The following MEST variants were observed in gnomAD, a reference collection of about 807,000 sequenced individuals.
MEST encodes mesoderm specific transcript.
In MEST, 18 loss-of-function variants were observed where a neutral mutation model predicts 50.9. That is an observed-to-expected ratio of 0.35 (90% CI 0.24 to 0.52). The LOEUF (loss-of-function observed/expected upper bound fraction) is 0.52. MEST is among the 20% of genes least tolerant of loss of function. The probability of loss-of-function intolerance (pLI) is 0.94; values close to 1 mark genes in which losing one functional copy is unlikely to be tolerated. For missense variants in MEST, 282 were observed against 425.3 expected (o/e 0.66, Z 2.96); for synonymous variants, 130 against 154.1 (o/e 0.84, Z 1.16).
rs1206716758 is a variant in MEST at position 130,505,297 on chromosome 7, G to GT, written c.*247dup. The GT allele has an allele frequency of 5.9e-6, 2 of 338,294 alleles. No individual in the cohort carries two copies. The highest frequency in any genetic ancestry group is 1.1e-5 in the Non-Finnish European group (2 of 183,464). 21.0% of individuals were successfully genotyped at this position (338,294 alleles called of 1,614,324 possible). A position where few individuals can be genotyped will look rare whatever the true frequency, so the allele number is the denominator to read the frequency against. Reference sequence around the variant, plus strand: ...TGATCAAATGTATAGACTTGGCTTTGTTTTTTGTGCTATTAGGAAATTCTG... The same window carrying GT: ...TGATCAAATGTATAGACTTGGCTTTGTTTTTTTGTGCTATTAGGAAATTCTG... On this transcript the variant is annotated 3_prime_UTR_variant, in exon 12 of 12. Coordinates refer to ENST00000223215, the MANE Select transcript of MEST (RefSeq NM_002402.4).
At chr7:130,489,283 A>G (rs1798714696), upstream of MEST, 1 of 152,270 alleles carries the variant, frequency 6.6e-6, no homozygotes. Flanking sequence ...GTGATAAGCC[A>G]CTGGCTGAGG....
At chr7:130,499,798 C>T (rs529086989) in intron 6 of MEST, 77 bp from the exon 7 acceptor site, 50 of 1,218,846 alleles carry the variant, frequency 4.1e-5, no homozygotes, top group Admixed American at 2.8e-4. Flanking sequence ...AGCTGGGCAA[C>T]CCAGTGAGAT....
At position 130,492,300 on chromosome 7, in the gene MEST, G is replaced by A; in HGVS notation, c.-14G>A. On this transcript the variant is annotated 5_prime_UTR_variant, in exon 1 of 12. An upstream start codon of the reference 5' UTR is lost. Coordinates refer to ENST00000223215, the MANE Select transcript of MEST (RefSeq NM_002402.4). This position sits in a 1 kb window ranked among gnomAD's most constrained non-coding sequence, Gnocchi z 7.6. ...TCTGCAACGCTGCGGCGGGCGGCAT[G>A]GGATAACGCGGCCATGGTGCGCCGA... The A allele has an allele frequency of 7.4e-7, 1 of 1,344,994 alleles. No individual in the cohort carries two copies. Among genetic ancestry groups the A allele is most frequent in the South Asian group, 2.1e-5 (1 of 47,612 alleles). 83.3% of individuals were successfully genotyped at this position (1,344,994 alleles called of 1,614,324 possible).
intron 1 of MEST, among the ~76,000 whole-genome samples, chr7:130,494,178 G>C (rs577553421): frequency 1.3e-5 from 2 of 152,336 alleles, no homozygotes; most frequent in South Asian, 2.1e-4. Flanking sequence ...AAAGTATCTT[G>C]TAAGTTGAGG....
chr7:130,494,899 A>G (rs537579303), intron 1 of MEST: 8 of 942,208 alleles, frequency 8.5e-6, no homozygotes, highest in East Asian at 2.3e-4. Context: ...TAGCACATAT[A>G]TATTTTTTGA....
intron 9 of MEST, 151 bp from the exon 10 acceptor site, chr7:130,502,493 T>C (rs111900673): frequency 3.3e-5 from 20 of 610,676 alleles, no homozygotes; most frequent in African/African-American, 2.6e-4. Flanking sequence ...TTAACAGAAA[T>C]GGATAAATTA....
At chr7:130,494,448 A>G (rs1248809022) in intron 1 of MEST, 7 of 152,330 alleles carry the variant, frequency 4.6e-5, no homozygotes, top group African/African-American at 1.2e-4. Context: ...CTCCTTGTCA[A>G]TGTGGATAAA....
Position 130,503,959 on chromosome 7 carries a change from C to G in MEST, c.853C>G (p.Pro285Ala). Residue 285 changes from proline to alanine, a missense_variant, in exon 11 of 12, where the codon CCT becomes GCT. Coordinates refer to ENST00000223215, the MANE Select transcript of MEST (RefSeq NM_002402.4). Reference sequence around the variant, plus strand: ...TCATTTTATCTATGGGCCATTGGATCCTGTAAATCCCTATCCAGAGTTTTT... The same window carrying G: ...TCATTTTATCTATGGGCCATTGGATGCTGTAAATCCCTATCCAGAGTTTTT... ...PIHFIYGPLDPVNPYPEFLEL... is the reference protein window; with the variant it reads ...PIHFIYGPLDAVNPYPEFLEL... 6.2e-7 allele frequency: 1 copy of G among 1,613,402 alleles called. No homozygotes were observed. The highest frequency in any genetic ancestry group is 8.5e-7 in the Non-Finnish European group (1 of 1,179,404).
chr7:130,498,022 C>T lies in MEST; in HGVS notation c.339+9C>T. 4.3e-6 allele frequency: 7 copies of T among 1,614,154 alleles called. No homozygotes were observed. Among genetic ancestry groups the T allele is most frequent in the Non-Finnish European group, 5.9e-6 (7 of 1,180,014 alleles). On this transcript the variant is annotated intron_variant, in intron 4 of 11. Transcript: ENST00000223215. Reference sequence around the variant, plus strand: ...GCTTCAGTGACAAACCGGTAAGCAGCACCTATGTGGGGCTGGTGATGGGGT... The same window carrying T: ...GCTTCAGTGACAAACCGGTAAGCAGTACCTATGTGGGGCTGGTGATGGGGT...
At chr7:130,487,508 G>A (rs1554434036), upstream of MEST, 1 of 152,164 alleles carries the variant, frequency 6.6e-6, no homozygotes, top group African/African-American at 2.4e-5. Context: ...TCTTATTTGG[G>A]TAAGAGATTA....
chr7:130,492,772 G>A lies in MEST; in HGVS notation c.26+433G>A, dbSNP rs996801788. Among the ~76,000 whole-genome samples the A allele has an allele frequency of 3.3e-5, 5 of 152,070 alleles. No homozygotes were observed. The highest frequency in any genetic ancestry group is 9.7e-5 in the African/African-American group (4 of 41,394). On this transcript the variant is annotated intron_variant, in intron 1 of 11. Coordinates refer to ENST00000223215, the MANE Select transcript of MEST (RefSeq NM_002402.4). This position sits in a 1 kb window ranked among gnomAD's most constrained non-coding sequence, Gnocchi z 7.6. ...ATTTCTAACCCCCAGCATCGCCCTG[G>A]TTTGATTTAGGATATTTAGACTCCG...
Position 130,500,341 on chromosome 7 carries a change from T to C in MEST, c.577-121T>C. 1.2e-6 allele frequency: 1 copy of C among 817,514 alleles called. No homozygotes were observed. The highest frequency in any genetic ancestry group is 1.8e-5 in the South Asian group (1 of 55,470). The allele number at this position is 817,514 out of a possible 1,614,324, so 50.6% of individuals were successfully genotyped here. On this transcript the variant is annotated intron_variant, in intron 7 of 11. Transcript: ENST00000223215. The surrounding 1 kb of genome is among the most constrained non-coding windows in gnomAD (Gnocchi z 5.0). Reference sequence around the variant, plus strand: ...CGGGTAGGCAAAACAAAATGCCAAGTACCAAACCATTCAGTAGCAGGAGAT... The same window carrying C: ...CGGGTAGGCAAAACAAAATGCCAAGCACCAAACCATTCAGTAGCAGGAGAT...
At position 130,504,961 on chromosome 7, in the gene MEST, G is replaced by A; in HGVS notation, c.913G>A (p.Val305Met). The A allele has an allele frequency of 6.2e-7, 1 of 1,613,832 alleles. No homozygotes were observed. Among genetic ancestry groups the A allele is most frequent in the Non-Finnish European group, 8.5e-7 (1 of 1,179,780 alleles). The part of the protein sequence containing the change: ...LYRKTLPRST[V>M]SILDDHISHY... Reference sequence around the variant, plus strand: ...TAGGAAAACGCTGCCGCGGTCCACAGTGTCGATTCTGGATGACCACATTAG... The same window carrying A: ...TAGGAAAACGCTGCCGCGGTCCACAATGTCGATTCTGGATGACCACATTAG... The change falls in exon 12 of 12, where the codon GTG (valine) becomes ATG (methionine). Residue 305 changes from valine (V) to methionine (M), a missense_variant. By Grantham distance (21) the Val-to-Met change is conservative (BLOSUM62 1). Coordinates refer to ENST00000223215, the MANE Select transcript of MEST (RefSeq NM_002402.4).
chr7:130,501,387 GAGGGAGCCAATCCTCCCA>G lies in MEST; in HGVS notation c.749+498_749+515del, dbSNP rs546895588. Among the ~76,000 whole-genome samples, 1,260 of 152,288 alleles carry G rather than the reference GAGGGAGCCAATCCTCCCA, an allele frequency of 8.3e-3. 8 individuals carry two copies. The highest frequency in any genetic ancestry group is 0.013 in the Non-Finnish European group (908 of 68,016). ...TGGCTTTGCTGGGGATTGTATGTTA[GAGGGAGCCAATCCTCCCA>G]CCCTCTCCTAAGCCCCAACAGGATC... On this transcript the variant is annotated intron_variant, in intron 9 of 11. Transcript: ENST00000223215.
At chr7:130,499,937 C>G in intron 7 of MEST, 22 bp downstream of exon 7, 2 of 1,603,934 alleles carry the variant, frequency 1.2e-6, no homozygotes, top group East Asian at 2.2e-5. Flanking sequence ...ACTGATAGAC[C>G]TTTAGTTTTA....
upstream of MEST, among the ~76,000 whole-genome samples, chr7:130,490,347 G>T (rs1372381392): frequency 1.3e-5 from 2 of 152,082 alleles, no homozygotes; most frequent in Non-Finnish European, 2.9e-5. Context: ...CCCCAAACAC[G>T]CGGCCCTGAG....
At chr7:130,490,436 A>C (rs2116213616), upstream of MEST, among the ~76,000 whole-genome samples, 1 of 152,332 alleles carries the variant, frequency 6.6e-6, no homozygotes, top group South Asian at 2.1e-4. Flanking sequence ...TCATCATTCA[A>C]GACCACCCTT....
upstream of MEST, chr7:130,487,835 C>CG (rs1212200744): frequency 6.6e-6 from 1 of 152,174 alleles, no homozygotes; most frequent in African/African-American, 2.4e-5. Flanking sequence ...TTGGTAGAGA[C>CG]GGGGTTTCAC....
At chr7:130,493,400 G>C (rs1554435977) in intron 1 of MEST, 1 of 152,146 alleles carries the variant, frequency 6.6e-6, no homozygotes, top group Non-Finnish European at 1.5e-5. Flanking sequence ...TCATCAAATA[G>C]TTGGGATTTT....
Sources: gnomAD v4.1 joint callset for allele counts (sites outside exome capture counted in the v4.1 genomes callset) on GRCh38, gnomAD v4.1.1 for gene constraint, Gnocchi (gnomAD v3.1) non-coding constraint, MANE v1.5 for transcripts, NCBI Gene and HGNC (gene_info 2026-07-23, HGNC 2026-07-21) for gene names.